The following RBM19 variants were observed in gnomAD, a reference collection of about 807,000 sequenced individuals.
RBM19 encodes probable RNA-binding protein 19.
Under a neutral mutation model 116.8 loss-of-function variants are expected in RBM19, and 94 were observed. The ratio of observed to expected loss-of-function variants is 0.80; its 90% CI spans 0.68 to 0.95. RBM19 has a LOEUF of 0.95. Among genes scored for constraint, RBM19 ranks in the 40% least tolerant of loss-of-function variants. RBM19 has a pLI of 0.00. For missense variants in RBM19, 1,161 were observed against 1,220.7 expected (o/e 0.95, Z 0.73); for synonymous variants, 475 against 494.1 (o/e 0.96, Z 0.51).
chr12:113,864,184 T>C (rs1565983450), intron 21 of RBM19, among the ~76,000 whole-genome samples: 1 of 152,192 alleles, frequency 6.6e-6, no homozygotes, highest in East Asian at 1.9e-4. Context: ...CACAGGTCTA[T>C]GCTTTGCTAA....
chr12:113,849,793 T>A (rs553767156), intron 22 of RBM19, among the ~76,000 whole-genome samples: 5 of 152,212 alleles, frequency 3.3e-5, no homozygotes, highest in African/African-American at 1.2e-4. Context: ...CCTGCCATCA[T>A]TGATGGCCAG....
At chr12:113,889,613 T>C (rs1880793587) in intron 21 of RBM19, among the ~76,000 whole-genome samples, 1 of 151,896 alleles carries the variant, frequency 6.6e-6, no homozygotes, top group Admixed American at 6.6e-5. Context: ...ACCACACATC[T>C]GCTTTCTAGT....
intron 15 of RBM19, among the ~76,000 whole-genome samples, chr12:113,939,104 G>A (rs1388415365): frequency 2.0e-5 from 3 of 152,078 alleles, no homozygotes; most frequent in African/African-American, 4.8e-5. Context: ...CATCAAGAAT[G>A]CTCATTCTTG....
chr12:113,954,288 T>C (rs1871721972), intron 7 of RBM19, among the ~76,000 whole-genome samples: 1 of 152,094 alleles, frequency 6.6e-6, no homozygotes, highest in Non-Finnish European at 1.5e-5. Flanking sequence ...TGAGACCCTG[T>C]CTCACACACA....
At chr12:113,930,841 A>C (rs1479261450) in intron 16 of RBM19, among the ~76,000 whole-genome samples, 1 of 152,186 alleles carries the variant, frequency 6.6e-6, no homozygotes, top group Non-Finnish European at 1.5e-5. Flanking sequence ...CTGCCGGAGA[A>C]GGGGGCCTGG....
intron 22 of RBM19, among the ~76,000 whole-genome samples, chr12:113,847,680 G>A (rs1222962107): frequency 2.6e-5 from 4 of 152,076 alleles, no homozygotes; most frequent in Non-Finnish European, 5.9e-5. Flanking sequence ...TCTCAAGAAC[G>A]GAATAAGATC....
At chr12:113,876,347 A>G (rs1879667262) in intron 21 of RBM19, among the ~76,000 whole-genome samples, 1 of 152,220 alleles carries the variant, frequency 6.6e-6, no homozygotes, top group African/African-American at 2.4e-5. Context: ...TCCAGTGCTT[A>G]TAAGCCTCTC....
In RBM19 at chr12:113,898,298, T is replaced by A. The variant is rs1478519532; in HGVS notation, c.2558+16671A>T. On this transcript the variant is annotated intron_variant, in intron 21 of 23. Coordinates refer to ENST00000261741, the MANE Select transcript of RBM19 (RefSeq NM_016196.4). The surrounding 1 kb of genome is among the most constrained non-coding windows in gnomAD (Gnocchi z 4.3). ...CTAATTTTTAATACGTGTACATACA[T>A]GTGTATCATGATAGAACCGTGAAGA... Among the ~76,000 whole-genome samples, 1 of 152,180 alleles carries A rather than the reference T, an allele frequency of 6.6e-6. No homozygotes were observed. Among genetic ancestry groups the A allele is most frequent in the African/African-American group, 2.4e-5 (1 of 41,438 alleles).
At chr12:113,897,735 A>G (rs1881433738) in intron 21 of RBM19, among the ~76,000 whole-genome samples, 2 of 152,222 alleles carry the variant, frequency 1.3e-5, no homozygotes, top group Non-Finnish European at 1.5e-5. Context: ...CCTAGAGGCC[A>G]CCACTCCTGC....
intron 6 of RBM19, among the ~76,000 whole-genome samples, chr12:113,956,327 T>A (rs1372898564): frequency 2.0e-5 from 3 of 152,112 alleles, no homozygotes; most frequent in Admixed American, 6.5e-5. Context: ...AGGCCTGTAA[T>A]CCCAGCAATT....
At chr12:113,896,725 G>T (rs907994134) in intron 21 of RBM19, among the ~76,000 whole-genome samples, 1 of 152,146 alleles carries the variant, frequency 6.6e-6, no homozygotes, top group East Asian at 1.9e-4. Context: ...CCTCCAAGAC[G>T]ATGGTGAAAT....
intron 7 of RBM19, among the ~76,000 whole-genome samples, chr12:113,953,168 A>G (rs947414606): frequency 6.6e-6 from 1 of 152,228 alleles, no homozygotes; most frequent in African/African-American, 2.4e-5. Flanking sequence ...AAAAGGGCAA[A>G]AGACATGATC....
chr12:113,908,588 A>G (rs1197499156), intron 21 of RBM19, among the ~76,000 whole-genome samples: 1 of 145,794 alleles, frequency 6.9e-6, no homozygotes, highest in Admixed American at 6.7e-5. Flanking sequence ...AAAAAAAAAA[A>G]AAAAAAAAAA....
At chr12:113,961,563 T>G (rs1386343371) in intron 2 of RBM19, among the ~76,000 whole-genome samples, 1 of 152,240 alleles carries the variant, frequency 6.6e-6, no homozygotes, top group Non-Finnish European at 1.5e-5. Flanking sequence ...TGTGTCTATA[T>G]AGGATCACGA....
intron 21 of RBM19, among the ~76,000 whole-genome samples, chr12:113,887,390 C>A (rs945225454): frequency 5.3e-5 from 8 of 152,140 alleles, no homozygotes; most frequent in African/African-American, 1.9e-4. Flanking sequence ...TAAATCCCAG[C>A]ACTTTGGGAG....
At chr12:113,950,425 C>T (rs1871371690) in intron 8 of RBM19, among the ~76,000 whole-genome samples, 1 of 152,152 alleles carries the variant, frequency 6.6e-6, no homozygotes, top group Admixed American at 6.5e-5. Flanking sequence ...TTTCTGTCTC[C>T]CTCCAAGCCT....
Position 113,959,209 on chromosome 12 carries a change from C to T in RBM19, c.571+3G>A. On this transcript the variant is annotated splice_donor_region_variant and intron_variant, in intron 5 of 23. Transcript: ENST00000261741. ...ATGGAGCACACAGTCCCCATGCCCT[C>T]ACCTTCCAGGTCCTCCCCGGCTCCC... 1 of 1,607,870 alleles carries T rather than the reference C, an allele frequency of 6.2e-7. No homozygotes were observed. The highest frequency in any genetic ancestry group is 1.1e-5 in the South Asian group (1 of 90,738).
At chr12:113,862,731 C>CG (rs960385481) in intron 21 of RBM19, among the ~76,000 whole-genome samples, 2 of 152,016 alleles carry the variant, frequency 1.3e-5, no homozygotes, top group African/African-American at 2.4e-5. Context: ...CTCTGCCGCT[C>CG]GGGGGGAAGG....
chr12:113,950,130 T>C lies in RBM19; in HGVS notation c.1025A>G (p.Asn342Ser), dbSNP rs1871348655. ...CAGAGCTTGCTTCACTTCCTCTTCATTGCTGAAATCCACAAAGATGTATCC... is the reference window on the plus strand; with the variant it reads ...CAGAGCTTGCTTCACTTCCTCTTCACTGCTGAAATCCACAAAGATGTATCC... ...KTGYIFVDFS[N>S]EEEVKQALKC... Residue 342 changes from asparagine (N) to serine (S), a missense_variant, in exon 9 of 24, where the codon AAT becomes AGT. Physicochemically the swap from Asn to Ser is conservative, Grantham distance 46. Coordinates refer to ENST00000261741, the MANE Select transcript of RBM19 (RefSeq NM_016196.4). The C allele has an allele frequency of 6.2e-7, 1 of 1,611,616 alleles. No homozygotes were observed. The highest frequency in any genetic ancestry group is 8.5e-7 in the Non-Finnish European group (1 of 1,177,796).
Sources: allele counts gnomAD v4.1 joint callset (sites outside exome capture counted in the v4.1 genomes callset), GRCh38; gene constraint gnomAD v4.1.1; non-coding constraint Gnocchi (gnomAD v3.1); transcripts MANE v1.5; gene names NCBI Gene and HGNC (gene_info 2026-07-23, HGNC 2026-07-21).